The following FHIT variants were observed in gnomAD, a reference collection of about 807,000 sequenced individuals.
FHIT encodes the protein bis(5'-adenosyl)-triphosphatase.
A neutral mutation model predicts 17.9 loss-of-function variants in FHIT; 19 were observed. The observed-to-expected ratio is 1.06, with a 90% CI of 0.74 to 1.56. The LOEUF (loss-of-function observed/expected upper bound fraction) is 1.56, where lower values mean the gene tolerates loss of function less well. FHIT is among the 40% of genes most tolerant of loss of function. FHIT has a pLI of 0.00. For missense variants in FHIT, 248 were observed against 189.2 expected (o/e 1.31, Z -1.82); for synonymous variants, 81 against 69.7 (o/e 1.16, Z -0.81).
chr3:60,786,589 T>C (rs991249368), intron 4 of FHIT, among the ~76,000 whole-genome samples: 4 of 152,228 alleles, frequency 2.6e-5, no homozygotes, highest in African/African-American at 9.6e-5. Flanking sequence ...AGATAATGCA[T>C]GTAAAATGCT....
chr3:61,125,922 A>T (rs1576062061), intron 2 of FHIT, among the ~76,000 whole-genome samples: 2 of 152,184 alleles, frequency 1.3e-5, no homozygotes, highest in South Asian at 4.1e-4. Context: ...GTCCATATAC[A>T]CTGTGAAGTA....
At chr3:60,449,819 A>G (rs191882307) in intron 5 of FHIT, among the ~76,000 whole-genome samples, 27 of 152,140 alleles carry the variant, frequency 1.8e-4, no homozygotes, top group Admixed American at 1.2e-3. Flanking sequence ...CCTGGCCAAT[A>G]TGGTGAAACC....
intron 5 of FHIT, among the ~76,000 whole-genome samples, chr3:60,358,589 A>T (rs1699771300): frequency 1.3e-5 from 2 of 152,220 alleles, no homozygotes; most frequent in South Asian, 4.1e-4. Flanking sequence ...ACATAAACAA[A>T]ATCAGCTTTA....
chr3:61,101,417 A>C (rs1286702731), intron 2 of FHIT, among the ~76,000 whole-genome samples: 1 of 152,088 alleles, frequency 6.6e-6, no homozygotes, highest in African/African-American at 2.4e-5. Context: ...CCGTTGGTCT[A>C]TCTCTCTGTT....
intron 2 of FHIT, among the ~76,000 whole-genome samples, chr3:61,199,224 G>A (rs1049176680): frequency 6.6e-6 from 1 of 152,176 alleles, no homozygotes; most frequent in Non-Finnish European, 1.5e-5. Context: ...GACTGTGCCT[G>A]TGTGGAAACA....
chr3:59,796,251 T>C (rs559293565), intron 8 of FHIT, among the ~76,000 whole-genome samples: 1 of 152,246 alleles, frequency 6.6e-6, no homozygotes, highest in Non-Finnish European at 1.5e-5. Context: ...ACAATGAGAA[T>C]GAAATGCAAA....
intron 5 of FHIT, among the ~76,000 whole-genome samples, chr3:60,374,614 C>A (rs1014929807): frequency 1.3e-5 from 2 of 150,084 alleles, no homozygotes; most frequent in African/African-American, 4.9e-5. Context: ...ACCTACAACA[C>A]GGCCTCTTAG....
chr3:61,207,872 G>T (rs936550530), intron 1 of FHIT, among the ~76,000 whole-genome samples: 3 of 151,952 alleles, frequency 2.0e-5, no homozygotes, highest in African/African-American at 7.3e-5. Flanking sequence ...GTTGAGTGTT[G>T]CTCTTGCTTC....
At chr3:60,264,135 G>A (rs1431162174) in intron 5 of FHIT, among the ~76,000 whole-genome samples, 1 of 151,906 alleles carries the variant, frequency 6.6e-6, no homozygotes, top group Admixed American at 6.6e-5. Context: ...CAAAGAGAAA[G>A]CCTTTCACCA....
chr3:60,815,570 C>G (rs1701713694), intron 4 of FHIT, among the ~76,000 whole-genome samples: 2 of 152,230 alleles, frequency 1.3e-5, no homozygotes, highest in Admixed American at 1.3e-4. Flanking sequence ...TCTGGGTTCT[C>G]TAGTCTGTTC....
intron 5 of FHIT, among the ~76,000 whole-genome samples, chr3:60,308,507 T>C (rs1302145779): frequency 1.4e-5 from 1 of 69,266 alleles, no homozygotes; most frequent in Non-Finnish European, 3.1e-5. Flanking sequence ...TATATATATA[T>C]ATATATATAT....
rs147364392 is a variant in FHIT at position 61,096,736 on chromosome 3, A to G, written c.-163-54637T>C. Among the ~76,000 whole-genome samples, 966 of 152,324 alleles carry G rather than the reference A, an allele frequency of 6.3e-3. 5 individuals carry two copies. The highest frequency in any genetic ancestry group is 9.4e-3 in the African/African-American group (391 of 41,570). Reference sequence around the variant, plus strand: ...GTAGATGTTCATGCTTTGTGCTAGAAGAGCATAGACTTAGCCAGATGCCAT... The same window carrying G: ...GTAGATGTTCATGCTTTGTGCTAGAGGAGCATAGACTTAGCCAGATGCCAT... On this transcript the variant is annotated intron_variant, in intron 2 of 9. Coordinates refer to ENST00000492590, the MANE Select transcript of FHIT (RefSeq NM_002012.4).
intron 5 of FHIT, among the ~76,000 whole-genome samples, chr3:60,504,468 G>T (rs1215088268): frequency 6.6e-6 from 1 of 151,922 alleles, no homozygotes; most frequent in African/African-American, 2.4e-5. Flanking sequence ...CAACAAAGCT[G>T]CTTAGTAAGT....
At chr3:60,635,680 T>C (rs887344153) in intron 4 of FHIT, among the ~76,000 whole-genome samples, 1 of 152,024 alleles carries the variant, frequency 6.6e-6, no homozygotes, top group Non-Finnish European at 1.5e-5. Context: ...CTCAGAGGAG[T>C]GAAGCCACTT....
At chr3:59,819,811 A>T (rs1700726913) in intron 8 of FHIT, among the ~76,000 whole-genome samples, 1 of 152,226 alleles carries the variant, frequency 6.6e-6, no homozygotes, top group South Asian at 2.1e-4. Flanking sequence ...ATGTGACAGT[A>T]TTAAGAGGAG....
chr3:59,754,889 C>G (rs949118291), intron 8 of FHIT, among the ~76,000 whole-genome samples: 13 of 152,116 alleles, frequency 8.5e-5, no homozygotes, highest in South Asian at 2.1e-4. Context: ...CTGTTTAGAA[C>G]AGCGGCACTC....
At chr3:60,803,638 G>C (rs1186095368) in intron 4 of FHIT, among the ~76,000 whole-genome samples, 3 of 152,154 alleles carry the variant, frequency 2.0e-5, no homozygotes, top group African/African-American at 7.2e-5. Context: ...TCTTTTCTAA[G>C]GTGGGGAGCA....
chr3:60,298,561 A>T (rs183103925), intron 5 of FHIT, among the ~76,000 whole-genome samples: 7 of 152,296 alleles, frequency 4.6e-5, no homozygotes, highest in African/African-American at 1.7e-4. Flanking sequence ...TCCCAACCGT[A>T]AAGAAAAGCA....
At chr3:59,813,045 T>C (rs1048473051) in intron 8 of FHIT, among the ~76,000 whole-genome samples, 1 of 152,214 alleles carries the variant, frequency 6.6e-6, no homozygotes, top group Non-Finnish European at 1.5e-5. Context: ...TGTTATAGTT[T>C]TCATTCCTGG....
Sources: gnomAD v4.1 joint callset for allele counts (sites outside exome capture counted in the v4.1 genomes callset) on GRCh38, gnomAD v4.1.1 for gene constraint, MANE v1.5 for transcripts, NCBI Gene and HGNC (gene_info 2026-07-23, HGNC 2026-07-21) for gene names.